OSBPL1A: variants seen among roughly 807,000 people sequenced by gnomAD.
The protein encoded by OSBPL1A is oxysterol binding protein like 1A, also known as oxysterol-binding protein-related protein 1.
A neutral mutation model predicts 137.1 loss-of-function variants in OSBPL1A; 80 were observed. That is an observed-to-expected ratio of 0.58 (90% confidence interval 0.49 to 0.70). The LOEUF is 0.70. OSBPL1A is among the 30% of genes least tolerant of loss of function. OSBPL1A has a pLI of 0.00. For missense variants in OSBPL1A, 970 were observed against 1,129.4 expected, an observed-to-expected ratio of 0.86 and a Z score of 2.02; for synonymous variants, 365 against 389.7, an observed-to-expected ratio of 0.94 and a Z score of 0.75.
chr18:24,187,260 C>T (rs746822204), intron 18 of OSBPL1A, among the ~76,000 whole-genome samples: 6 of 151,974 alleles, frequency 3.9e-5, no homozygotes, highest in African/African-American at 7.3e-5. Context: ...GTTGGTGTTT[C>T]GAGGGGACGG....
rs2086600327 is a variant in OSBPL1A at position 24,181,311 on chromosome 18, C to G, written c.1678-32G>C. 4 of 1,603,990 alleles carry G rather than the reference C, an allele frequency of 2.5e-6. No individual in the cohort carries two copies. The Admixed American group carries it at 6.7e-5, about 27-fold the overall frequency. The stretch of plus-strand genomic sequence containing the variant: ...AACCAGAAAATTGAAAGTGTTATGT[C>G]CCATATACATAACAAACAAACCTAT... On this transcript the variant is annotated intron_variant, in intron 18 of 27. Transcript: ENST00000319481.
intron 15 of OSBPL1A, among the ~76,000 whole-genome samples, chr18:24,240,170 C>T (rs371249454): frequency 6.6e-6 from 1 of 152,014 alleles, no homozygotes. Context: ...GTGATCTGCC[C>T]GCCTGGGCCT....
rs577152000 is a variant in OSBPL1A at position 24,368,458 on chromosome 18, A to C, written c.122-86T>G. ...TAACTTCTCCATAACAAGCTACCTC[A>C]ATAATCTCCTTTGCAATGCATTGCT... On this transcript the variant is annotated intron_variant, in intron 2 of 27. Coordinates refer to ENST00000319481, the MANE Select transcript of OSBPL1A (RefSeq NM_080597.4). The C allele has an allele frequency of 1.7e-4, 167 of 980,584 alleles. 1 individual carries two copies. The East Asian group carries it at 3.2e-3, about 19-fold the overall frequency. The allele number at this position is 980,584 out of a possible 1,614,324, so 60.7% of individuals were successfully genotyped here. A position where few individuals can be genotyped will look rare whatever the true frequency, so the allele number is the denominator to read the frequency against.
intron 5 of OSBPL1A, among the ~76,000 whole-genome samples, chr18:24,338,585 A>G (rs547133148): frequency 7.9e-5 from 12 of 152,298 alleles, no homozygotes; most frequent in African/African-American, 2.9e-4. Context: ...GGCCACAAGT[A>G]AGATCATCCC....
chr18:24,343,658 A>G (rs550682097), intron 4 of OSBPL1A, among the ~76,000 whole-genome samples: 21 of 152,234 alleles, frequency 1.4e-4, no homozygotes, highest in Non-Finnish European at 2.6e-4. Context: ...GCCCAGAAAT[A>G]AACTCTCGGA....
intron 2 of OSBPL1A, 36 bp downstream of exon 2, chr18:24,377,377 C>A: frequency 6.3e-7 from 1 of 1,587,520 alleles, no homozygotes; most frequent in Non-Finnish European, 8.5e-7. Context: ...AGTGCAGACT[C>A]ATAAGAGAAA....
chr18:24,371,104 A>G (rs1168771956), intron 2 of OSBPL1A, among the ~76,000 whole-genome samples: 1 of 152,136 alleles, frequency 6.6e-6, no homozygotes, highest in Non-Finnish European at 1.5e-5. Flanking sequence ...CTGTCACAGC[A>G]GCCTAAAAAA....
chr18:24,176,079 G>A (rs1406766762), intron 21 of OSBPL1A, among the ~76,000 whole-genome samples: 1 of 152,230 alleles, frequency 6.6e-6, no homozygotes, highest in African/African-American at 2.4e-5. Flanking sequence ...TGGGTAGTGG[G>A]AGTCCATCAA....
At chr18:24,333,163 T>A (rs2091114860) in intron 6 of OSBPL1A, 77 bp from the exon 7 acceptor site, 6 of 1,507,790 alleles carry the variant, frequency 4.0e-6, no homozygotes, top group Middle Eastern at 2.3e-4. Context: ...GGAGGGTGTA[T>A]CAGCAGAGCC....
chr18:24,287,977 A>C (rs2090099200), intron 14 of OSBPL1A, among the ~76,000 whole-genome samples: 1 of 152,140 alleles, frequency 6.6e-6, no homozygotes, highest in Non-Finnish European at 1.5e-5. Context: ...AATAGGGGCA[A>C]CTGTTGTGGC....
intron 4 of OSBPL1A, among the ~76,000 whole-genome samples, chr18:24,360,673 G>A (rs2091608188): frequency 6.6e-6 from 1 of 152,116 alleles, no homozygotes. Flanking sequence ...TCTTGGAGGG[G>A]GCCAATGTCT....
intron 24 of OSBPL1A, among the ~76,000 whole-genome samples, chr18:24,168,815 T>C (rs1296605748): frequency 2.6e-5 from 4 of 152,164 alleles, no homozygotes; most frequent in African/African-American, 7.2e-5. Context: ...TGTGTGAGAA[T>C]ACCTGCTCTC....
intron 15 of OSBPL1A, among the ~76,000 whole-genome samples, chr18:24,242,664 A>T (rs1349143079): frequency 6.6e-6 from 1 of 152,202 alleles, no homozygotes; most frequent in Non-Finnish European, 1.5e-5. Context: ...AACAAGGTTA[A>T]ACCCAAGTTC....
intron 15 of OSBPL1A, among the ~76,000 whole-genome samples, chr18:24,251,272 T>C (rs2089085184): frequency 6.6e-6 from 1 of 152,056 alleles, no homozygotes; most frequent in Non-Finnish European, 1.5e-5. Context: ...CCATAAGTGG[T>C]AGACAGGTAG....
chr18:24,390,739 A>C (rs890707423), intron 1 of OSBPL1A, among the ~76,000 whole-genome samples: 1 of 151,624 alleles, frequency 6.6e-6, no homozygotes, highest in Admixed American at 6.6e-5. Flanking sequence ...AAATTAAAAA[A>C]AATTGAAATC....
chr18:24,369,468 G>A (rs1473775540), intron 2 of OSBPL1A, among the ~76,000 whole-genome samples: 1 of 152,180 alleles, frequency 6.6e-6, no homozygotes, highest in Non-Finnish European at 1.5e-5. Context: ...GGCTGTTACA[G>A]CCCAAGAACA....
At chr18:24,212,559 A>G (rs1159312739) in intron 17 of OSBPL1A, among the ~76,000 whole-genome samples, 6 of 152,314 alleles carry the variant, frequency 3.9e-5, no homozygotes, top group African/African-American at 1.4e-4. Context: ...TTTAAATCTG[A>G]GAGTAAATAC....
At chr18:24,220,303 C>T (rs76510429) in intron 17 of OSBPL1A, among the ~76,000 whole-genome samples, 5 of 152,216 alleles carry the variant, frequency 3.3e-5, no homozygotes, top group Admixed American at 6.5e-5. Flanking sequence ...GCTCCTTGGT[C>T]CCTAGTTCTC....
At chr18:24,323,383 T>G (rs932137725) in intron 7 of OSBPL1A, among the ~76,000 whole-genome samples, 4 of 147,924 alleles carry the variant, frequency 2.7e-5, no homozygotes, top group African/African-American at 7.5e-5. Flanking sequence ...TGAAATCCCA[T>G]TTCTACTAAA....
Sources: gnomAD v4.1 joint callset for allele counts (sites outside exome capture counted in the v4.1 genomes callset) on GRCh38, gnomAD v4.1.1 for gene constraint, MANE v1.5 for transcripts, NCBI Gene and HGNC (gene_info 2026-07-23, HGNC 2026-07-21) for gene names.